The following SEPTIN7 variants were observed in gnomAD, a reference collection of about 807,000 sequenced individuals.
SEPTIN7 encodes the protein septin 7, also known as septin-7.
SEPTIN7 carries 10 observed loss-of-function variants against 63.3 expected under a neutral mutation model. That is an observed-to-expected ratio of 0.16 (90% CI 0.10 to 0.27). The LOEUF is 0.27. SEPTIN7 is among the 10% of genes least tolerant of loss of function. SEPTIN7 has a pLI of 1.00. For missense variants in SEPTIN7, 310 were observed against 521.0 expected (o/e 0.59, Z 3.94); for synonymous variants, 131 against 165.3 (o/e 0.79, Z 1.59).
chr7:35,857,763 T>C (rs1785279927), intron 3 of SEPTIN7, among the ~76,000 whole-genome samples: 1 of 151,948 alleles, frequency 6.6e-6, no homozygotes, highest in Admixed American at 6.6e-5. Flanking sequence ...TTTTAAAGAG[T>C]ATTAAAAAAG....
At position 35,904,275 on chromosome 7, in the gene SEPTIN7, G is replaced by A. The variant is rs766125911; in HGVS notation, c.1296G>A (p.Lys432=). The A allele has an allele frequency of 8.3e-6, 13 of 1,564,406 alleles. No homozygotes were observed. Among genetic ancestry groups the A allele is most frequent in the Non-Finnish European group, 1.1e-5 (13 of 1,154,134 alleles). Reference sequence around the variant, plus strand: ...TTAGAACCTTGGAAAAGAACAAGAAGAAAGGGAAGATCTTTTAAACTCTCT... The same window carrying A: ...TTAGAACCTTGGAAAAGAACAAGAAAAAAGGGAAGATCTTTTAAACTCTCT... ...NSSRTLEKNK[K]KGKIF Residue 432 remains lysine (K), a synonymous_variant, in exon 14 of 14, where the codon AAG becomes AAA. Transcript: ENST00000350320.
At chr7:35,888,236 AG>A (rs780164806) in intron 10 of SEPTIN7, among the ~76,000 whole-genome samples, 2 of 152,216 alleles carry the variant, frequency 1.3e-5, no homozygotes, top group East Asian at 1.9e-4. Flanking sequence ...TTGAGAATGG[AG>A]GAGTGGGTTG....
chr7:35,901,342 ACT>A (rs1788309034), intron 12 of SEPTIN7: 1 of 152,138 alleles, frequency 6.6e-6, no homozygotes, highest in East Asian at 1.9e-4. Flanking sequence ...AATGGAAAAA[ACT>A]CTGAAAACTG....
chr7:35,883,337 G>A (rs943962929), intron 8 of SEPTIN7, among the ~76,000 whole-genome samples: 2 of 152,078 alleles, frequency 1.3e-5, no homozygotes, highest in Admixed American at 6.5e-5. Flanking sequence ...CTTATACATT[G>A]CCTGTGAAGA....
chr7:35,842,295 C>T (rs948855699), intron 3 of SEPTIN7, among the ~76,000 whole-genome samples: 2 of 151,018 alleles, frequency 1.3e-5, no homozygotes, highest in African/African-American at 4.9e-5. Context: ...CATGAAAGAC[C>T]TTTGTAGTGG....
At chr7:35,904,182 T>C in intron 13 of SEPTIN7, 72 bp from the exon 14 acceptor site, 1 of 1,128,922 alleles carries the variant, frequency 8.9e-7, no homozygotes, top group Non-Finnish European at 1.2e-6. Flanking sequence ...TTGGGTTAGC[T>C]GTTGTTATCA....
rs182670537 is a variant in SEPTIN7, at chr7:35,831,190, G to A, written c.62-302G>A. ...GGCCTTATTTTCTATATTTCAGCAG[G>A]ACAGTTGCTGAAAATGGGTTTAAAC... On this transcript the variant is annotated intron_variant, in intron 1 of 13. Coordinates refer to ENST00000350320, the MANE Select transcript of SEPTIN7 (RefSeq NM_001788.6). Among the ~76,000 whole-genome samples, 761 of 152,116 alleles carry A rather than the reference G, an allele frequency of 5.0e-3. 3 individuals are homozygous for A. Among genetic ancestry groups the A allele is most frequent in the Non-Finnish European group, 8.1e-3 (554 of 67,982 alleles).
chr7:35,850,011 T>C (rs1235883576), intron 3 of SEPTIN7, among the ~76,000 whole-genome samples: 5 of 152,270 alleles, frequency 3.3e-5, no homozygotes, highest in African/African-American at 1.2e-4. Context: ...TAATTTTCTT[T>C]TTAGGGACAG....
chr7:35,895,888 G>A (rs56231318), intron 11 of SEPTIN7, among the ~76,000 whole-genome samples: 78,482 of 151,988 alleles, frequency 0.52, 21,960 homozygotes, highest in Admixed American at 0.63. Context: ...TTGGCTCACT[G>A]CAACCTCTGC....
intron 4 of SEPTIN7, among the ~76,000 whole-genome samples, chr7:35,868,065 T>C (rs1785926779): frequency 6.6e-6 from 1 of 152,048 alleles, no homozygotes; most frequent in African/African-American, 2.4e-5. Context: ...AGATGGGGTT[T>C]CACCATGTTG....
At chr7:35,915,217 T>G in the SEPTIN7 span, among the ~76,000 whole-genome samples, 1 of 147,298 alleles carries the variant, frequency 6.8e-6, no homozygotes, top group African/African-American at 2.5e-5. Flanking sequence ...GCTAGTTATC[T>G]GCAGCAGGAA....
At chr7:35,884,806 T>C (rs780848598) in intron 9 of SEPTIN7, among the ~76,000 whole-genome samples, 3 of 152,210 alleles carry the variant, frequency 2.0e-5, no homozygotes, top group Non-Finnish European at 4.4e-5. Flanking sequence ...TTTTCTTTTT[T>C]AACCTGCTAT....
chr7:35,861,499 A>G (rs1302439942), intron 3 of SEPTIN7, among the ~76,000 whole-genome samples: 1 of 152,192 alleles, frequency 6.6e-6, no homozygotes, highest in Non-Finnish European at 1.5e-5. Flanking sequence ...TGAAAGCTTA[A>G]GGTCTTCTTT....
At chr7:35,914,771 A>G in the SEPTIN7 span, among the ~76,000 whole-genome samples, 2 of 151,676 alleles carry the variant, frequency 1.3e-5, no homozygotes, top group Non-Finnish European at 2.9e-5. Flanking sequence ...CTTACAATAA[A>G]TCTCTATTCT....
intron 10 of SEPTIN7, among the ~76,000 whole-genome samples, chr7:35,886,630 T>C (rs1787266257): frequency 6.6e-6 from 1 of 152,202 alleles, no homozygotes; most frequent in Non-Finnish European, 1.5e-5. Context: ...CTCTCTTGCT[T>C]CTCTACACCT....
At chr7:35,914,249 T>C in the SEPTIN7 span, among the ~76,000 whole-genome samples, 1 of 152,252 alleles carries the variant, frequency 6.6e-6, no homozygotes, top group Non-Finnish European at 1.5e-5. Flanking sequence ...GGAATGTTTA[T>C]ATGCATTCCA....
At chr7:35,819,182 AT>A (rs1346485336) in intron 1 of SEPTIN7, among the ~76,000 whole-genome samples, 2 of 152,068 alleles carry the variant, frequency 1.3e-5, no homozygotes, top group African/African-American at 2.4e-5. Flanking sequence ...ATTTTCCAGT[AT>A]CCCTTGTGAT....
At position 35,863,093 on chromosome 7, in the gene SEPTIN7, C is replaced by T. The variant is rs941770614; in HGVS notation, c.170-459C>T. Among the ~76,000 whole-genome samples, 13 of 152,018 alleles carry T rather than the reference C, an allele frequency of 8.6e-5. No homozygotes were observed. The South Asian group carries it at 1.9e-3, about 22-fold the overall frequency. On this transcript the variant is annotated intron_variant, in intron 3 of 13. Coordinates refer to ENST00000350320, the MANE Select transcript of SEPTIN7 (RefSeq NM_001788.6). ...ATGTTTTGTGATTTAGAATTTTATA[C>T]GGAGATGTTCATTGTGATTAATTCT...
chr7:35,873,848 TA>T, intron 6 of SEPTIN7, 73 bp downstream of exon 6: 2 of 1,411,492 alleles, frequency 1.4e-6, no homozygotes, highest in Non-Finnish European at 2.0e-6. Flanking sequence ...CATACTTTAG[TA>T]ATCTTTAAGT....
Sources: gnomAD v4.1 joint callset for allele counts (sites outside exome capture counted in the v4.1 genomes callset) on GRCh38, gnomAD v4.1.1 for gene constraint, MANE v1.5 for transcripts, NCBI Gene and HGNC (gene_info 2026-07-23, HGNC 2026-07-21) for gene names.